The following CACNA1B variants were observed in gnomAD, a reference collection of about 807,000 sequenced individuals.
CACNA1B encodes the protein calcium voltage-gated channel subunit alpha1 B, also known as voltage-dependent N-type calcium channel subunit alpha-1B.
CACNA1B carries 70 observed loss-of-function variants against 247.2 expected under a neutral mutation model. The observed-to-expected ratio is 0.28, with a 90% confidence interval of 0.23 to 0.35. The LOEUF is 0.35. CACNA1B is among the 10% of genes least tolerant of loss of function. The pLI is 1.00. For synonymous variants in CACNA1B, 1,231 were observed against 1,294.4 expected (o/e 0.95, Z 1.05); for missense variants, 2,367 against 3,197.4 (o/e 0.74, Z 6.26).
At chr9:138,092,833 G>A (rs59603293) in intron 36 of CACNA1B, among the ~76,000 whole-genome samples, 17 of 152,140 alleles carry the variant, frequency 1.1e-4, no homozygotes, top group African/African-American at 3.6e-4. Flanking sequence ...TTCTTCTGCC[G>A]TGGCTTCAGC....
intron 11 of CACNA1B, 77 bp from the exon 12 acceptor site, chr9:137,975,830 G>A (rs1322505207): frequency 1.7e-5 from 14 of 847,136 alleles, no homozygotes; most frequent in Non-Finnish European, 2.8e-5. Context: ...CCAGAGGTCT[G>A]GTGTCCTCCA....
In CACNA1B at chr9:138,121,798, G is replaced by A. The variant is rs767002363; in HGVS notation, c.6819G>A (p.Leu2273=). The change falls in exon 47 of 47, where the codon CTG becomes CTA. Residue 2273 remains leucine, a synonymous_variant. Coordinates refer to ENST00000371372, the MANE Select transcript of CACNA1B (RefSeq NM_000718.4). The surrounding 1 kb of genome is among the most constrained non-coding windows in gnomAD (Gnocchi z 6.8). ...ACAGTGAGGCCTCTGTCCACGCCCT[G>A]CCTGAGGACACTCTCACTTTCGAGG... ...RLDSEASVHA[L]PEDTLTFEEA... is the part of the protein sequence containing the mutation. 1.2e-6 allele frequency: 2 copies of A among 1,613,156 alleles called. No homozygotes were observed. Among genetic ancestry groups the A allele is most frequent in the Admixed American group, 1.7e-5 (1 of 59,996 alleles).
intron 3 of CACNA1B, among the ~76,000 whole-genome samples, chr9:137,898,412 C>A (rs957511695): frequency 6.6e-6 from 1 of 152,042 alleles, no homozygotes; most frequent in Non-Finnish European, 1.5e-5. Flanking sequence ...TTCAGTCCTG[C>A]CTTCATTCTC....
chr9:138,009,629 G>A (rs11137336), intron 16 of CACNA1B, among the ~76,000 whole-genome samples: 18,247 of 152,232 alleles, frequency 0.12, 1,478 homozygotes, highest in Middle Eastern at 0.21. Context: ...GGGGAGTTGG[G>A]AGCACAGCAG....
Position 137,917,287 on chromosome 9 carries a change from C to A in CACNA1B, c.822C>A (p.Ala274=). ...GDFPCGKEAP[A]RLCEGDTECR... ...TCCCCTGTGGCAAGGAGGCCCCAGC[C>A]CGGCTGTGCGAGGGCGACACTGAGT... The change falls in exon 6 of 47, where the codon GCC becomes GCA. Residue 274 remains alanine, a synonymous_variant. Transcript: ENST00000371372. This position sits in a 1 kb window ranked among gnomAD's most constrained non-coding sequence, Gnocchi z 5.5. 6.2e-7 allele frequency: 1 copy of A among 1,613,898 alleles called. No individual in the cohort carries two copies. Among genetic ancestry groups the A allele is most frequent in the Non-Finnish European group, 8.5e-7 (1 of 1,179,832 alleles).
intron 6 of CACNA1B, among the ~76,000 whole-genome samples, chr9:137,934,809 G>T (rs1262826130): frequency 6.6e-6 from 1 of 152,120 alleles, no homozygotes; most frequent in East Asian, 1.9e-4. Flanking sequence ...CCACCCCATG[G>T]GACAAAAGAA....
In CACNA1B at chr9:138,116,034, C is replaced by A. The variant is rs141313662; in HGVS notation, c.5777+355C>A. On this transcript the variant is annotated intron_variant, in intron 42 of 46. Coordinates refer to ENST00000371372, the MANE Select transcript of CACNA1B (RefSeq NM_000718.4). ...GACATTAGACAGGTGCTTCATCGAA[C>A]CCGCCTTCCTAACAGCACTTAGACC... is the stretch of plus-strand genomic sequence containing the variant. Among the ~76,000 whole-genome samples the A allele has an allele frequency of 1.4e-3, 210 of 152,344 alleles. 2 individuals are homozygous for A. Among genetic ancestry groups the A allele is most frequent in the East Asian group, 9.3e-3 (48 of 5,186 alleles).
Position 137,913,116 on chromosome 9 carries a change from G to A in CACNA1B, c.531-64G>A. The A allele has an allele frequency of 2.4e-6, 3 of 1,266,010 alleles. No homozygotes were observed. Among genetic ancestry groups the A allele is most frequent in the Non-Finnish European group, 3.4e-6 (3 of 870,760 alleles). The allele number at this position is 1,266,010 out of a possible 1,614,324, so 78.4% of individuals were successfully genotyped here. On this transcript the variant is annotated intron_variant, in intron 3 of 46. Transcript: ENST00000371372. This position sits in a 1 kb window ranked among gnomAD's most constrained non-coding sequence, Gnocchi z 5.2. Reference sequence around the variant, plus strand: ...AGACATGACCCTGGTGGTGGGAGGAGTGTGTCCTCTTCCAGGCTCAATGTG... The same window carrying A: ...AGACATGACCCTGGTGGTGGGAGGAATGTGTCCTCTTCCAGGCTCAATGTG...
intron 36 of CACNA1B, among the ~76,000 whole-genome samples, chr9:138,081,959 G>A (rs1002614611): frequency 3.3e-5 from 5 of 151,062 alleles, no homozygotes; most frequent in African/African-American, 1.2e-4. Context: ...ACATACAAAA[G>A]AGTGGAGTTG....
At chr9:137,884,968 CTCCTCCCA>C (rs1956988049) in intron 3 of CACNA1B, among the ~76,000 whole-genome samples, 1 of 111,114 alleles carries the variant, frequency 9.0e-6, no homozygotes, top group African/African-American at 3.3e-5. Context: ...CCCCCCCCCC[CTCCTCCCA>C]CTTTGCCTGT....
intron 6 of CACNA1B, among the ~76,000 whole-genome samples, chr9:137,932,903 TTTTATCTTTACTTTTATTTATTTA>T (rs1374734769): frequency 1.3e-5 from 2 of 150,456 alleles, no homozygotes; most frequent in Non-Finnish European, 2.9e-5. Flanking sequence ...GATGACTTTA[TTTTATCTTTACTTTTATTTATTTA>T]TTTATTTATT....
rs1202493916 is a variant in CACNA1B at position 137,914,307 on chromosome 9, C to T, written c.623-347C>T. Among the ~76,000 whole-genome samples the T allele has an allele frequency of 6.6e-6, 1 of 152,126 alleles. No individual in the cohort carries two copies. The highest frequency in any genetic ancestry group is 2.4e-5 in the African/African-American group (1 of 41,410). On this transcript the variant is annotated intron_variant, in intron 4 of 46. Transcript: ENST00000371372. This position sits in a 1 kb window ranked among gnomAD's most constrained non-coding sequence, Gnocchi z 4.3. Reference sequence around the variant, plus strand: ...CCTTCTCAGGATTTCATTCTCTTTCCTCTCAGGATTCTCTGTTGCCCCACC... The same window carrying T: ...CCTTCTCAGGATTTCATTCTCTTTCTTCTCAGGATTCTCTGTTGCCCCACC...
intron 36 of CACNA1B, among the ~76,000 whole-genome samples, chr9:138,084,152 G>A (rs922303270): frequency 6.6e-6 from 1 of 150,992 alleles, no homozygotes; most frequent in South Asian, 2.1e-4. Flanking sequence ...TGGCACTGTG[G>A]GCAACGTACA....
chr9:137,947,620 G>C (rs1439932731), intron 6 of CACNA1B, among the ~76,000 whole-genome samples: 1 of 151,196 alleles, frequency 6.6e-6, no homozygotes, highest in Non-Finnish European at 1.5e-5. Context: ...TTTTTCTTAG[G>C]AGAGTTCTGC....
Position 137,882,715 on chromosome 9 carries a change from G to T in CACNA1B, c.391-29G>T. The T allele has an allele frequency of 6.2e-7, 1 of 1,613,618 alleles. No individual in the cohort carries two copies. Among genetic ancestry groups the T allele is most frequent in the Non-Finnish European group, 8.5e-7 (1 of 1,179,632 alleles). Reference sequence around the variant, plus strand: ...CGCTACTACACCGGGTAGGGGCCAGGGGTGACCACTGTTCTGCGCTTCTCC... The same window carrying T: ...CGCTACTACACCGGGTAGGGGCCAGTGGTGACCACTGTTCTGCGCTTCTCC... On this transcript the variant is annotated intron_variant, in intron 2 of 46. Transcript: ENST00000371372. This position sits in a 1 kb window ranked among gnomAD's most constrained non-coding sequence, Gnocchi z 4.0.
At position 137,882,626 on chromosome 9, in the gene CACNA1B, C is replaced by T. The variant is rs1393532828; in HGVS notation, c.391-118C>T. The T allele has an allele frequency of 2.5e-6, 3 of 1,182,618 alleles. No individual in the cohort carries two copies. The highest frequency in any genetic ancestry group is 3.6e-6 in the Non-Finnish European group (3 of 823,188). The allele number at this position is 1,182,618 out of a possible 1,614,324, so 73.3% of individuals were successfully genotyped here. On this transcript the variant is annotated intron_variant, in intron 2 of 46. Coordinates refer to ENST00000371372, the MANE Select transcript of CACNA1B (RefSeq NM_000718.4). The surrounding 1 kb of genome is among the most constrained non-coding windows in gnomAD (Gnocchi z 4.0). ...GTGTTGGGGGCAAGGTGAGGAGGGT[C>T]AGACCCTCACGATAGCTGTGGCCTG...
In CACNA1B at chr9:137,893,669, CAAAAT is replaced by C. The variant is rs543559340; in HGVS notation, c.530+10805_530+10809del. ...CTGTCTCAAAAAAAAAAAAATGAAA[CAAAAT>C]AAAATAAAATAAAATAAAGGTTTTA... On this transcript the variant is annotated intron_variant, in intron 3 of 46. Transcript: ENST00000371372. Among the ~76,000 whole-genome samples, 141 of 151,210 alleles carry C rather than the reference CAAAAT, an allele frequency of 9.3e-4. 2 individuals are homozygous for C. Among genetic ancestry groups the C allele is most frequent in the East Asian group, 1.6e-3 (8 of 5,152 alleles).
chr9:138,009,284 T>C (rs375421829), intron 16 of CACNA1B, among the ~76,000 whole-genome samples: 8 of 152,198 alleles, frequency 5.3e-5, no homozygotes, highest in Non-Finnish European at 1.0e-4. Flanking sequence ...GGGAGGTCAG[T>C]TGAGGCAAGG....
At position 137,971,501 on chromosome 9, in the gene CACNA1B, C is replaced by T; in HGVS notation, c.1452C>T (p.Phe484=). The T allele has an allele frequency of 6.2e-7, 1 of 1,613,784 alleles. No individual in the cohort carries two copies. The highest frequency in any genetic ancestry group is 8.5e-7 in the Non-Finnish European group (1 of 1,179,786). ...FIRRMVKAQS[F]YWVVLCVVAL... Reference sequence around the variant, plus strand: ...GGCGCATGGTGAAGGCTCAGAGCTTCTACTGGGTGGTGCTGTGCGTGGTGG... The same window carrying T: ...GGCGCATGGTGAAGGCTCAGAGCTTTTACTGGGTGGTGCTGTGCGTGGTGG... Residue 484 remains phenylalanine (F), a synonymous_variant, in exon 11 of 47, where the codon TTC becomes TTT. Transcript: ENST00000371372. The surrounding 1 kb of genome is among the most constrained non-coding windows in gnomAD (Gnocchi z 4.4).
Sources: allele counts gnomAD v4.1 joint callset (sites outside exome capture counted in the v4.1 genomes callset), GRCh38; gene constraint gnomAD v4.1.1; non-coding constraint Gnocchi (gnomAD v3.1); transcripts MANE v1.5; gene names NCBI Gene and HGNC (gene_info 2026-07-23, HGNC 2026-07-21).